LIMCH1: variants seen among roughly 807,000 people sequenced by gnomAD.
The protein encoded by LIMCH1 is LIM and calponin homology domains-containing protein 1.
Under a neutral mutation model 176.5 loss-of-function variants are expected in LIMCH1, and 113 were observed. The observed-to-expected ratio is 0.64, with a 90% CI of 0.55 to 0.75. The LOEUF is 0.75. LIMCH1 is among the 30% of genes least tolerant of loss of function. The pLI, the probability that LIMCH1 is intolerant of heterozygous loss-of-function variation, is 0.00. For missense variants in LIMCH1, 1,674 were observed against 1,814.9 expected, an observed-to-expected ratio of 0.92 and a Z score of 1.41; for synonymous variants, 619 against 645.9, an observed-to-expected ratio of 0.96 and a Z score of 0.63.
chr4:41,612,757 CT>C, intron 4 of LIMCH1: 1 of 716,562 alleles, frequency 1.4e-6, no homozygotes, highest in Non-Finnish European at 2.3e-6. Flanking sequence ...GTGCTTTCAG[CT>C]CCCCCAGCGC....
intron 1 of LIMCH1, among the ~76,000 whole-genome samples, chr4:41,429,468 G>A (rs946376555): frequency 1.2e-4 from 18 of 152,104 alleles, no homozygotes; most frequent in Admixed American, 5.2e-4. Flanking sequence ...AGGTGCTGGC[G>A]ACAACAATGG....
In LIMCH1 at chr4:41,670,795, A is replaced by T. The variant is rs2094989447; in HGVS notation, c.3398-759A>T. ...ATCCCAGTTTTTCTCCCAGTCAGGTAAACTGCATACTGGGTAGCTGTATTT... is the reference window on the plus strand; with the variant it reads ...ATCCCAGTTTTTCTCCCAGTCAGGTTAACTGCATACTGGGTAGCTGTATTT... On this transcript the variant is annotated intron_variant, in intron 21 of 31. Transcript: ENST00000503057. 2.0e-6 allele frequency: 3 copies of T among 1,535,784 alleles called. No individual in the cohort carries two copies. In the Admixed American group the frequency reaches 5.9e-5, roughly 30 times the overall value.
chr4:41,527,096 T>A (rs781186274), intron 3 of LIMCH1, among the ~76,000 whole-genome samples: 46 of 152,304 alleles, frequency 3.0e-4, no homozygotes, highest in Non-Finnish European at 5.0e-4. Context: ...ATAAAATAAA[T>A]TAAATAAAAC....
chr4:41,465,703 G>T (rs374263364), intron 1 of LIMCH1, among the ~76,000 whole-genome samples: 47 of 152,258 alleles, frequency 3.1e-4, no homozygotes, highest in African/African-American at 9.9e-4. Context: ...TCCTCTCTGA[G>T]TTTGAGATTA....
At chr4:41,523,857 G>C (rs2076355895) in intron 2 of LIMCH1, among the ~76,000 whole-genome samples, 1 of 152,150 alleles carries the variant, frequency 6.6e-6, no homozygotes, top group Admixed American at 6.5e-5. Flanking sequence ...AAAATCTTCA[G>C]AATATGATTG....
intron 2 of LIMCH1, among the ~76,000 whole-genome samples, chr4:41,505,536 C>T (rs1207614912): frequency 1.3e-5 from 2 of 152,132 alleles, no homozygotes; most frequent in Non-Finnish European, 2.9e-5. Flanking sequence ...AAAACAATAA[C>T]CCTGACCTCT....
intron 1 of LIMCH1, among the ~76,000 whole-genome samples, chr4:41,589,216 T>C (rs966339267): frequency 1.2e-4 from 18 of 152,100 alleles, no homozygotes; most frequent in African/African-American, 4.1e-4. Flanking sequence ...GGGACTAAGG[T>C]AAAAGAGGAA....
At chr4:41,638,867 CCAGCTTGCTTA>C (rs2093702018) in intron 13 of LIMCH1, 54 bp from the exon 14 acceptor site, 2 of 1,366,180 alleles carry the variant, frequency 1.5e-6, no homozygotes, top group African/African-American at 2.9e-5. Flanking sequence ...GTTTCTATTT[CCAGCTTGCTTA>C]CAGTGTTCAC....
chr4:41,461,955 A>C (rs978992843), intron 1 of LIMCH1, among the ~76,000 whole-genome samples: 3 of 152,232 alleles, frequency 2.0e-5, no homozygotes, highest in Non-Finnish European at 4.4e-5. Context: ...GGACTATCTA[A>C]ATCAGTAGCA....
upstream of LIMCH1, among the ~76,000 whole-genome samples, chr4:41,533,564 A>G (rs1283136392): frequency 6.6e-6 from 1 of 152,180 alleles, no homozygotes; most frequent in Non-Finnish European, 1.5e-5. Context: ...TATATACCAA[A>G]TAGAGATGAT....
At chr4:41,396,342 A>G (rs956128580) in intron 1 of LIMCH1, among the ~76,000 whole-genome samples, 4 of 152,198 alleles carry the variant, frequency 2.6e-5, no homozygotes, top group Non-Finnish European at 5.9e-5. Context: ...TGAAATCTGC[A>G]TGTCTATTTC....
intron 29 of LIMCH1, chr4:41,688,988 C>T (rs1723131514): frequency 6.6e-6 from 1 of 152,486 alleles, no homozygotes; most frequent in Admixed American, 6.5e-5. Flanking sequence ...GATCAGAGAA[C>T]TTGGCGACAG....
intron 2 of LIMCH1, among the ~76,000 whole-genome samples, chr4:41,599,579 A>G (rs2089557955): frequency 6.6e-6 from 1 of 152,246 alleles, no homozygotes; most frequent in African/African-American, 2.4e-5. Context: ...AGAATGTCAC[A>G]ATAAAAGAGA....
At chr4:41,653,045 C>T (rs990372119) in intron 18 of LIMCH1, among the ~76,000 whole-genome samples, 43 of 152,134 alleles carry the variant, frequency 2.8e-4, no homozygotes, top group African/African-American at 9.9e-4. Flanking sequence ...TTTGAATCAA[C>T]TATGGCAGGG....
chr4:41,658,187 A>G (rs2094515576), intron 18 of LIMCH1, among the ~76,000 whole-genome samples: 1 of 152,184 alleles, frequency 6.6e-6, no homozygotes, highest in African/African-American at 2.4e-5. Flanking sequence ...GAAGGGAATC[A>G]TGTTGGTACC....
intron 1 of LIMCH1, among the ~76,000 whole-genome samples, chr4:41,598,357 C>T (rs1324165099): frequency 6.6e-6 from 1 of 152,030 alleles, no homozygotes; most frequent in Non-Finnish European, 1.5e-5. Flanking sequence ...CTTTCCCTGT[C>T]CTTTTTTCTC....
rs546584281 is a variant in LIMCH1, at chr4:41,497,128, G to T, written c.167+2522G>T. ...TTGTGTTATTCAAAATAGAAGCCCA[G>T]TTGGTATCTTGGAACAGTGTTATCC... On this transcript the variant is annotated intron_variant, in intron 2 of 26. Transcript: ENST00000313860. Among the ~76,000 whole-genome samples, 7 of 152,332 alleles carry T rather than the reference G, an allele frequency of 4.6e-5. No individual in the cohort carries two copies. The South Asian group carries it at 1.5e-3, about 32-fold the overall frequency.
At chr4:41,527,926 C>T (rs932575651) in intron 3 of LIMCH1, among the ~76,000 whole-genome samples, 3 of 151,368 alleles carry the variant, frequency 2.0e-5, no homozygotes, top group African/African-American at 7.3e-5. Context: ...TCATACAGTG[C>T]ATGATCCTTA....
At chr4:41,515,784 C>G (rs1704839057) in intron 2 of LIMCH1, among the ~76,000 whole-genome samples, 1 of 152,170 alleles carries the variant, frequency 6.6e-6, no homozygotes, top group African/African-American at 2.4e-5. Flanking sequence ...GATCCCAATC[C>G]TGGAACTCTT....
Sources: gnomAD v4.1 joint callset for allele counts (sites outside exome capture counted in the v4.1 genomes callset) on GRCh38, gnomAD v4.1.1 for gene constraint, MANE v1.5 for transcripts, NCBI Gene and HGNC (gene_info 2026-07-23, HGNC 2026-07-21) for gene names.